Variants in NALF1 observed in about 807,000 individuals in gnomAD.
NALF1 encodes family with sequence similarity 155 member A.
NALF1 carries 3 observed loss-of-function variants against 48.4 expected under a neutral mutation model. That is an observed-to-expected ratio of 0.06 (90% CI 0.03 to 0.16). The LOEUF (loss-of-function observed/expected upper bound fraction) is 0.16. Among genes scored for constraint, NALF1 ranks in the 10% least tolerant of loss-of-function variants. NALF1 has a pLI of 1.00. For missense variants in NALF1, 526 were observed against 571.5 expected (o/e 0.92, Z 0.81); for synonymous variants, 262 against 245.7 (o/e 1.07, Z -0.62).
chr13:107,543,424 C>T (rs1234001129), intron 1 of NALF1, among the ~76,000 whole-genome samples: 1 of 151,934 alleles, frequency 6.6e-6, no homozygotes, highest in Non-Finnish European at 1.5e-5. Context: ...CACGTCTGTC[C>T]TGTTCTTTTT....
intron 1 of NALF1, among the ~76,000 whole-genome samples, chr13:107,612,147 G>C: frequency 1.2e-5 from 1 of 82,786 alleles, no homozygotes; most frequent in Non-Finnish European, 2.4e-5. Context: ...GGGGAGGGGA[G>C]AGGGTGGGAG....
At chr13:107,469,733 CTTTT>C (rs61241553) in intron 1 of NALF1, among the ~76,000 whole-genome samples, 7 of 79,970 alleles carry the variant, frequency 8.8e-5, no homozygotes, top group African/African-American at 3.2e-4. Flanking sequence ...AACTGTGTAT[CTTTT>C]TTTTTTTTTT....
intron 1 of NALF1, among the ~76,000 whole-genome samples, chr13:107,850,648 A>T (rs1193055310): frequency 6.6e-6 from 1 of 152,228 alleles, no homozygotes; most frequent in Non-Finnish European, 1.5e-5. Flanking sequence ...CACGCCTATA[A>T]TCCCAGCACT....
intron 1 of NALF1, chr13:107,788,938 TG>T (rs2138585304): frequency 6.6e-6 from 1 of 152,228 alleles, no homozygotes; most frequent in South Asian, 2.1e-4. Context: ...AAAGCAAATA[TG>T]GTTAACCTAG....
intron 1 of NALF1, among the ~76,000 whole-genome samples, chr13:107,312,746 G>A (rs901404326): frequency 1.3e-5 from 2 of 152,120 alleles, no homozygotes; most frequent in Non-Finnish European, 2.9e-5. Flanking sequence ...TGGAGAAGGG[G>A]TAACTGACCT....
chr13:107,580,411 T>C (rs1311434259), intron 1 of NALF1, among the ~76,000 whole-genome samples: 4 of 152,264 alleles, frequency 2.6e-5, no homozygotes, highest in Admixed American at 1.3e-4. Context: ...TCTGCCTGAA[T>C]TGTGTGCAGG....
At chr13:107,447,325 G>A (rs984815657) in intron 1 of NALF1, among the ~76,000 whole-genome samples, 4 of 151,874 alleles carry the variant, frequency 2.6e-5, no homozygotes, top group African/African-American at 7.3e-5. Flanking sequence ...GGCCCTTCCC[G>A]TGCAGAGCTC....
chr13:107,773,741 A>G (rs1268530411), intron 1 of NALF1, among the ~76,000 whole-genome samples: 86 of 91,288 alleles, frequency 9.4e-4, no homozygotes, highest in East Asian at 2.2e-3. Flanking sequence ...GGGTGGGGGG[A>G]GGGGGAGGGA....
intron 1 of NALF1, among the ~76,000 whole-genome samples, chr13:107,667,355 C>T (rs1252976346): frequency 1.3e-5 from 2 of 151,978 alleles, no homozygotes; most frequent in African/African-American, 2.4e-5. Context: ...AGAGGAGATC[C>T]TATCAACACC....
intron 1 of NALF1, among the ~76,000 whole-genome samples, chr13:107,747,525 C>T (rs1193139158): frequency 6.6e-6 from 1 of 152,122 alleles, no homozygotes; most frequent in Non-Finnish European, 1.5e-5. Flanking sequence ...ATTTTTACAA[C>T]CAACTCATAC....
chr13:107,505,781 T>C (rs1875678469), intron 1 of NALF1, among the ~76,000 whole-genome samples: 1 of 152,186 alleles, frequency 6.6e-6, no homozygotes, highest in African/African-American at 2.4e-5. Flanking sequence ...GAGCTGAGCA[T>C]AACTTTGGAA....
intron 1 of NALF1, among the ~76,000 whole-genome samples, chr13:107,420,913 C>T (rs779242643): frequency 1.8e-4 from 27 of 152,026 alleles, no homozygotes; most frequent in African/African-American, 2.7e-4. Flanking sequence ...TCATGTTTCT[C>T]GTATTTCTAG....
At chr13:107,305,598 C>A (rs1881921221) in intron 1 of NALF1, among the ~76,000 whole-genome samples, 1 of 152,156 alleles carries the variant, frequency 6.6e-6, no homozygotes, top group African/African-American at 2.4e-5. Context: ...AGAAAAGAGC[C>A]TGAGTCCCAT....
intron 1 of NALF1, among the ~76,000 whole-genome samples, chr13:107,697,328 C>T (rs1195971758): frequency 6.6e-6 from 1 of 152,036 alleles, no homozygotes; most frequent in Non-Finnish European, 1.5e-5. Context: ...GTGAATACCT[C>T]ACATGAAGAT....
intron 1 of NALF1, among the ~76,000 whole-genome samples, chr13:107,415,240 A>G (rs1471987562): frequency 1.3e-5 from 2 of 152,152 alleles, no homozygotes; most frequent in Non-Finnish European, 2.9e-5. Context: ...TTCTTTTATT[A>G]TGACGCTGAG....
chr13:107,733,829 C>T (rs149221115), intron 1 of NALF1, among the ~76,000 whole-genome samples: 209 of 152,100 alleles, frequency 1.4e-3, no homozygotes, highest in African/African-American at 4.9e-3. Flanking sequence ...AAGAGGAAAG[C>T]ATAAGAACAG....
intron 1 of NALF1, among the ~76,000 whole-genome samples, chr13:107,858,418 C>T (rs1440293317): frequency 2.0e-5 from 3 of 152,120 alleles, no homozygotes; most frequent in Admixed American, 6.5e-5. Context: ...CGGCTGGGTG[C>T]GGTGGCTCAG....
At chr13:107,217,447 C>A (rs1486342714) in intron 1 of NALF1, among the ~76,000 whole-genome samples, 2 of 152,218 alleles carry the variant, frequency 1.3e-5, no homozygotes, top group Non-Finnish European at 2.9e-5. Context: ...CTTGTTTCTA[C>A]ACATTCTTTC....
chr13:107,659,114 GACACACACACACACACACAC>G (rs71121541), intron 1 of NALF1, among the ~76,000 whole-genome samples: 1 of 145,804 alleles, frequency 6.9e-6, no homozygotes, highest in East Asian at 2.2e-4. Flanking sequence ...CTGACACACA[GACACACACACACACACACAC>G]ACACACACAC....
Sources: gnomAD v4.1 joint callset for allele counts (sites outside exome capture counted in the v4.1 genomes callset) on GRCh38, gnomAD v4.1.1 for gene constraint, MANE v1.5 for transcripts, NCBI Gene and HGNC (gene_info 2026-07-23, HGNC 2026-07-21) for gene names.